Variants in TSPAN3 observed in about 807,000 individuals in gnomAD.
TSPAN3 encodes tetraspanin 3.
A neutral mutation model predicts 31.1 loss-of-function variants in TSPAN3; 9 were observed. The ratio of observed to expected loss-of-function variants is 0.29; its 90% CI spans 0.17 to 0.50. The LOEUF (loss-of-function observed/expected upper bound fraction) is 0.50. Ranked by LOEUF, TSPAN3 falls within the 20% of genes least tolerant of loss-of-function variation. The pLI is 0.98. For synonymous variants in TSPAN3, 129 were observed against 114.3 expected (o/e 1.13, Z -0.82); for missense variants, 252 against 313.5 (o/e 0.80, Z 1.48).
chr15:77,044,367 A>G lies in TSPAN3; in HGVS notation c.*2468T>C, dbSNP rs1317397635. ...CTCAGCTACACGGGGGAAGGGCAGA[A>G]ACAAGATGTTGAATTTGCATGGCCC... On this transcript the variant is annotated 3_prime_UTR_variant, in exon 7 of 7. Coordinates refer to ENST00000267970, the MANE Select transcript of TSPAN3 (RefSeq NM_005724.6). 1 of 152,290 alleles carries G rather than the reference A, an allele frequency of 6.6e-6. No homozygotes were observed. Among genetic ancestry groups the G allele is most frequent in the African/African-American group, 2.4e-5 (1 of 41,470 alleles). The allele number at this position is 152,290 out of a possible 1,614,324, so 9.4% of individuals were successfully genotyped here. A position where few individuals can be genotyped will look rare whatever the true frequency, so the allele number is the denominator to read the frequency against.
At position 77,052,405 on chromosome 15, in the gene TSPAN3, G is replaced by A. The variant is rs764326858; in HGVS notation, c.649C>T (p.Leu217=). 2.4e-5 allele frequency: 38 copies of A among 1,614,056 alleles called. No individual in the cohort carries two copies. The East Asian group carries it at 4.7e-4, about 20-fold the overall frequency. The change falls in exon 6 of 7, where the codon CTG becomes TTG. Residue 217 remains leucine, a synonymous_variant. Coordinates refer to ENST00000267970, the MANE Select transcript of TSPAN3 (RefSeq NM_005724.6). Reference sequence around the variant, plus strand: ...CTTACCTGAATAGCTGCAAATGCCAGTGCGGCCCAGATCACATGCATCATG... The same window carrying A: ...CTTACCTGAATAGCTGCAAATGCCAATGCGGCCCAGATCACATGCATCATG... ...EIMMHVIWAA[L]AFAAIQLLGM...
At position 77,056,148 on chromosome 15, in the gene TSPAN3, G is replaced by C. The variant is rs2076767708; in HGVS notation, c.171C>G (p.Ile57Met). Residue 57 changes from isoleucine to methionine, a missense_variant, in exon 2 of 7, where the codon ATC becomes ATG. By Grantham distance (10) the Ile-to-Met change is conservative (BLOSUM62 1). Transcript: ENST00000267970. ...DVYTLIPAVV[I>M]IAVGALLFII... ...TGAAAAGCAGGGCTCCTACAGCTATGATCACTACAGCAGGGATGAGCGTGT... is the reference window on the plus strand; with the variant it reads ...TGAAAAGCAGGGCTCCTACAGCTATCATCACTACAGCAGGGATGAGCGTGT... The C allele has an allele frequency of 1.9e-6, 3 of 1,613,714 alleles. No individual in the cohort carries two copies. In the African/African-American group the frequency reaches 4.0e-5, roughly 22 times the overall value.
rs921829591 is a variant in TSPAN3 at position 77,045,712 on chromosome 15, T to C, written c.*1123A>G. On this transcript the variant is annotated 3_prime_UTR_variant, in exon 7 of 7. Coordinates refer to ENST00000267970, the MANE Select transcript of TSPAN3 (RefSeq NM_005724.6). ...AACTCCCCTTTGGACTCCCATTCTA[T>C]TACTACAACCACTGCAGTGTGAAAA... 1 of 152,236 alleles carries C rather than the reference T, an allele frequency of 6.6e-6. No individual in the cohort carries two copies. Among genetic ancestry groups the C allele is most frequent in the African/African-American group, 2.4e-5 (1 of 41,456 alleles). 9.4% of individuals were successfully genotyped at this position (152,236 alleles called of 1,614,324 possible).
intron 6 of TSPAN3, among the ~76,000 whole-genome samples, chr15:77,051,738 G>A (rs1210213008): frequency 6.6e-6 from 1 of 151,600 alleles, no homozygotes; most frequent in Non-Finnish European, 1.5e-5. Context: ...CGTGCTTGTA[G>A]TCCCAGCTAC....
In TSPAN3 at chr15:77,042,849, T is replaced by A. The variant is rs2076667599; in HGVS notation, c.*3986A>T. Reference sequence around the variant, plus strand: ...TTATTAGTTGAAAAGAAAAAAACAGTAACCATGCTATGGAGAAAGTGGACA... The same window carrying A: ...TTATTAGTTGAAAAGAAAAAAACAGAAACCATGCTATGGAGAAAGTGGACA... On this transcript the variant is annotated 3_prime_UTR_variant, in exon 7 of 7. Coordinates refer to ENST00000267970, the MANE Select transcript of TSPAN3 (RefSeq NM_005724.6). 6.6e-6 allele frequency: 1 copy of A among 151,990 alleles called. No individual in the cohort carries two copies. Among genetic ancestry groups the A allele is most frequent in the Non-Finnish European group, 1.5e-5 (1 of 67,986 alleles). 9.4% of individuals were successfully genotyped at this position (151,990 alleles called of 1,614,324 possible).
chr15:77,062,153 C>A (rs1422253301), intron 1 of TSPAN3, among the ~76,000 whole-genome samples: 1 of 152,148 alleles, frequency 6.6e-6, no homozygotes, highest in Non-Finnish European at 1.5e-5. Flanking sequence ...TTTTCATATA[C>A]CTCTTTTCTC....
chr15:77,058,981 C>G (rs1037924341), intron 1 of TSPAN3, among the ~76,000 whole-genome samples: 4 of 152,206 alleles, frequency 2.6e-5, no homozygotes, highest in Non-Finnish European at 5.9e-5. Flanking sequence ...TCAGAGTTCA[C>G]TGACATATTT....
chr15:77,052,491 CG>C, intron 5 of TSPAN3, 23 bp from the exon 6 acceptor site: 1 of 1,604,336 alleles, frequency 6.2e-7, no homozygotes, highest in Non-Finnish European at 8.5e-7. Flanking sequence ...CAGTCATCCT[CG>C]TTAGAAGTGT....
chr15:77,067,017 C>T (rs1375653666), intron 1 of TSPAN3, among the ~76,000 whole-genome samples: 1 of 152,008 alleles, frequency 6.6e-6, no homozygotes, highest in Non-Finnish European at 1.5e-5. Context: ...TCTTATAAAG[C>T]CACCAGTCCC....
rs370307435 is a variant in TSPAN3 at position 77,054,230 on chromosome 15, T to G, written c.380A>C (p.Asn127Thr). ...RSIQKVYKTY[N>T]GTNPDAASRA... is the part of the protein sequence containing the mutation. The stretch of plus-strand genomic sequence containing the variant: ...GCTAGCAGCATCAGGGTTGGTTCCA[T>G]TGTAGGTCTTATACACTTTCTGAAT... The change falls in exon 4 of 7, where the codon AAT (asparagine) becomes ACT (threonine). Residue 127 changes from asparagine to threonine, a missense_variant. Physicochemically the swap from Asn to Thr is moderately conservative, Grantham distance 65. Coordinates refer to ENST00000267970, the MANE Select transcript of TSPAN3 (RefSeq NM_005724.6). 4 of 1,613,858 alleles carry G rather than the reference T, an allele frequency of 2.5e-6. No individual in the cohort carries two copies. In the South Asian group the frequency reaches 4.4e-5, roughly 18 times the overall value.
At chr15:77,069,087 T>C (rs571027694) in intron 1 of TSPAN3, among the ~76,000 whole-genome samples, 64 of 152,392 alleles carry the variant, frequency 4.2e-4, no homozygotes, top group African/African-American at 1.5e-3. Context: ...TTCATTTGTT[T>C]TCCAGTCATT....
chr15:77,056,283 T>C, intron 1 of TSPAN3, 28 bp from the exon 2 acceptor site: 3 of 1,533,062 alleles, frequency 2.0e-6, no homozygotes, highest in Non-Finnish European at 2.6e-6. Context: ...AGTACTGGTC[T>C]CTAAGCACTG....
At chr15:77,070,154 C>T (rs916540721) in intron 1 of TSPAN3, 2 of 152,146 alleles carry the variant, frequency 1.3e-5, no homozygotes, top group African/African-American at 4.8e-5. Flanking sequence ...ACATTCCTTT[C>T]AAAGAGGGTG....
chr15:77,046,183 T>C lies in TSPAN3; in HGVS notation c.*652A>G, dbSNP rs1014045677. On this transcript the variant is annotated 3_prime_UTR_variant, in exon 7 of 7. Transcript: ENST00000267970. ...CATTCATACAAAAACACACTCACAC[T>C]AATTCTTTTAAAACAGTAGTGCATA... The C allele has an allele frequency of 2.6e-6, 1 of 381,148 alleles. No individual in the cohort carries two copies. Among genetic ancestry groups the C allele is most frequent in the Non-Finnish European group, 4.6e-6 (1 of 215,284 alleles). 23.6% of individuals were successfully genotyped at this position (381,148 alleles called of 1,614,324 possible).
chr15:77,065,298 T>C (rs1367565418), intron 1 of TSPAN3, among the ~76,000 whole-genome samples: 2 of 152,226 alleles, frequency 1.3e-5, no homozygotes, highest in African/African-American at 4.8e-5. Flanking sequence ...AGAATAGGGA[T>C]TTTTCACTGT....
Position 77,044,353 on chromosome 15 carries a change from G to A in TSPAN3, c.*2482C>T, listed in dbSNP as rs920800828. 1 of 152,250 alleles carries A rather than the reference G, an allele frequency of 6.6e-6. No homozygotes were observed. The highest frequency in any genetic ancestry group is 2.4e-5 in the African/African-American group (1 of 41,452). The allele number at this position is 152,250 out of a possible 1,614,324, so 9.4% of individuals were successfully genotyped here. ...TGCCAACACCTAGCCTCAGCTACACGGGGGAAGGGCAGAAACAAGATGTTG... is the reference window on the plus strand; with the variant it reads ...TGCCAACACCTAGCCTCAGCTACACAGGGGAAGGGCAGAAACAAGATGTTG... On this transcript the variant is annotated 3_prime_UTR_variant, in exon 7 of 7. Coordinates refer to ENST00000267970, the MANE Select transcript of TSPAN3 (RefSeq NM_005724.6).
At chr15:77,065,042 T>C (rs766866987) in intron 1 of TSPAN3, 1 of 152,240 alleles carries the variant, frequency 6.6e-6, no homozygotes, top group Non-Finnish European at 1.5e-5. Context: ...AATTTGAACA[T>C]AGCAAGTATA....
intron 1 of TSPAN3, chr15:77,070,062 G>C (rs1182170293): frequency 6.6e-6 from 1 of 152,038 alleles, no homozygotes; most frequent in African/African-American, 2.4e-5. Flanking sequence ...AGATGGGCTG[G>C]AGGGTGGAGA....
chr15:77,046,569 C>A lies in TSPAN3; in HGVS notation c.*266G>T. The A allele has an allele frequency of 1.9e-6, 1 of 520,760 alleles. No individual in the cohort carries two copies. The highest frequency in any genetic ancestry group is 3.4e-6 in the Non-Finnish European group (1 of 295,744). The allele number at this position is 520,760 out of a possible 1,614,324, so 32.3% of individuals were successfully genotyped here. A position where few individuals can be genotyped will look rare whatever the true frequency, so the allele number is the denominator to read the frequency against. ...CGTGTCCTCCTTTAATTCTACCACA[C>A]TACATGACTCGCAATTGGTTCTGAA... On this transcript the variant is annotated 3_prime_UTR_variant, in exon 7 of 7. Transcript: ENST00000267970.
Sources: allele counts gnomAD v4.1 joint callset (sites outside exome capture counted in the v4.1 genomes callset), GRCh38; gene constraint gnomAD v4.1.1; transcripts MANE v1.5; gene names NCBI Gene and HGNC (gene_info 2026-07-23, HGNC 2026-07-21).